GABPB1: variants seen among roughly 807,000 people sequenced by gnomAD.
GABPB1 encodes the protein GA binding protein transcription factor subunit beta 1.
A neutral mutation model predicts 45.9 loss-of-function variants in GABPB1; 15 were observed. That is an observed-to-expected ratio of 0.33 (90% CI 0.22 to 0.50). GABPB1 has a LOEUF of 0.50. Ranked by LOEUF, GABPB1 falls within the 20% of genes least tolerant of loss-of-function variation. The pLI is 0.98. For missense variants in GABPB1, 252 were observed against 457.5 expected (o/e 0.55, Z 4.10); for synonymous variants, 143 against 154.4 (o/e 0.93, Z 0.55).
chr15:50,345,616 AAATG>A (rs1253700674), intron 1 of GABPB1, among the ~76,000 whole-genome samples: 1 of 152,254 alleles, frequency 6.6e-6, no homozygotes, highest in African/African-American at 2.4e-5. Context: ...AAAATTTTTG[AAATG>A]AAGAGAAATG....
intron 8 of GABPB1, among the ~76,000 whole-genome samples, chr15:50,279,859 A>G (rs556821609): frequency 1.3e-5 from 2 of 152,272 alleles, no homozygotes; most frequent in Non-Finnish European, 2.9e-5. Context: ...TGGTTGGCCG[A>G]CCACTGGGGA....
intron 6 of GABPB1, among the ~76,000 whole-genome samples, chr15:50,292,314 C>CAAAAAAAAAAAAAAAAAA (rs762047613): frequency 2.0e-5 from 1 of 49,570 alleles, no homozygotes; most frequent in Non-Finnish European, 5.1e-5. Flanking sequence ...GACTCCATCT[C>CAAAAAAAAAAAAAAAAAA]AAAAAAAAAA....
chr15:50,324,769 A>T lies in GABPB1; in HGVS notation c.1-14971T>A, dbSNP rs538094432. Among the ~76,000 whole-genome samples, 5 of 150,994 alleles carry T rather than the reference A, an allele frequency of 3.3e-5. No homozygotes were observed. The South Asian group carries it at 1.1e-3, about 32-fold the overall frequency. On this transcript the variant is annotated intron_variant, in intron 1 of 8. Transcript: ENST00000380877. ...ACCATGTTGGCTAGACTGGTCTCAA[A>T]CTCCTGACCTCAGGCAATTCGCCCG...
rs1595854392 is a variant in GABPB1 at position 50,348,351 on chromosome 15, C to T, written c.-1+6634G>A. On this transcript the variant is annotated intron_variant, in intron 1 of 8. Transcript: ENST00000380877. ...CTCACTACAACCTCCGCCTCCCAGACTAAAGGAATACTCCCACCTCGGCCT... is the reference window on the plus strand; with the variant it reads ...CTCACTACAACCTCCGCCTCCCAGATTAAAGGAATACTCCCACCTCGGCCT... 2.0e-5 allele frequency among the ~76,000 whole-genome samples: 3 copies of T among 152,218 alleles called. No homozygotes were observed. In the South Asian group the frequency reaches 6.2e-4, roughly 32 times the overall value.
At chr15:50,290,925 C>A (rs997451296) in intron 6 of GABPB1, among the ~76,000 whole-genome samples, 1 of 152,146 alleles carries the variant, frequency 6.6e-6, no homozygotes, top group African/African-American at 2.4e-5. Flanking sequence ...CACAGGCAAT[C>A]CTACACCCAA....
At chr15:50,336,446 C>A (rs2048130102) in intron 1 of GABPB1, among the ~76,000 whole-genome samples, 1 of 151,776 alleles carries the variant, frequency 6.6e-6, no homozygotes. Flanking sequence ...GTAATCCCAG[C>A]ACTTCAGGAA....
chr15:50,308,331 C>G (rs1466756826), intron 2 of GABPB1, among the ~76,000 whole-genome samples: 4 of 152,192 alleles, frequency 2.6e-5, no homozygotes, highest in African/African-American at 9.7e-5. Flanking sequence ...TTAGACTACA[C>G]AAGTATTTAT....
intron 6 of GABPB1, among the ~76,000 whole-genome samples, chr15:50,293,683 T>C (rs2046421024): frequency 6.6e-6 from 1 of 152,200 alleles, no homozygotes; most frequent in Admixed American, 6.5e-5. Flanking sequence ...CATAATCATA[T>C]GTAAGAAATT....
At chr15:50,293,656 T>G (rs2046420388) in intron 6 of GABPB1, among the ~76,000 whole-genome samples, 1 of 152,230 alleles carries the variant, frequency 6.6e-6, no homozygotes, top group South Asian at 2.1e-4. Flanking sequence ...TAACTACAGA[T>G]AGTAAATATT....
At chr15:50,350,938 T>A (rs886538887) in intron 1 of GABPB1, 2 of 152,220 alleles carry the variant, frequency 1.3e-5, no homozygotes, top group Non-Finnish European at 2.9e-5. Flanking sequence ...TCCTCTTCTT[T>A]AGGTCAAACA....
chr15:50,320,019 A>G (rs2047502872), intron 1 of GABPB1, among the ~76,000 whole-genome samples: 1 of 152,148 alleles, frequency 6.6e-6, no homozygotes, highest in Non-Finnish European at 1.5e-5. Flanking sequence ...CATACACACA[A>G]TGCTTACTTC....
chr15:50,278,446 A>T lies in GABPB1; in HGVS notation c.*186T>A. ...CTATTTACAGAATTCAGTTTTAAATACATTTCACAACTTCTAAAGTAAAGT... is the reference window on the plus strand; with the variant it reads ...CTATTTACAGAATTCAGTTTTAAATTCATTTCACAACTTCTAAAGTAAAGT... On this transcript the variant is annotated 3_prime_UTR_variant, in exon 9 of 9. Transcript: ENST00000380877. 2.5e-6 allele frequency: 1 copy of T among 407,430 alleles called. No homozygotes were observed. Among genetic ancestry groups the T allele is most frequent in the Non-Finnish European group, 4.3e-6 (1 of 233,558 alleles). 25.2% of individuals were successfully genotyped at this position (407,430 alleles called of 1,614,324 possible).
In GABPB1 at chr15:50,309,676, A is replaced by G. The variant is rs1325872744; in HGVS notation, c.108+15T>C. ...AGAAGGAAAAAGAACACACAATATT[A>G]AAATCATTCTTTACCCAGTCTGTAG... On this transcript the variant is annotated intron_variant, in intron 2 of 8. Transcript: ENST00000380877. 2.1e-6 allele frequency: 3 copies of G among 1,429,866 alleles called. No homozygotes were observed. In the East Asian group the frequency reaches 6.8e-5, roughly 33 times the overall value. 88.6% of individuals were successfully genotyped at this position (1,429,866 alleles called of 1,614,324 possible).
chr15:50,281,853 G>A (rs1183333894), intron 8 of GABPB1, among the ~76,000 whole-genome samples: 1 of 152,132 alleles, frequency 6.6e-6, no homozygotes, highest in African/African-American at 2.4e-5. Flanking sequence ...TGTAATCCTA[G>A]TATTTTGGAA....
chr15:50,313,538 A>AAAGATT (rs1315374974), intron 1 of GABPB1, among the ~76,000 whole-genome samples: 2 of 152,158 alleles, frequency 1.3e-5, no homozygotes, highest in Non-Finnish European at 1.5e-5. Context: ...ATTTATCAGT[A>AAAGATT]AAGATTATAT....
chr15:50,278,460 CTAAAG>C lies in GABPB1; in HGVS notation c.*167_*171del, dbSNP rs1374165390. 2.4e-5 allele frequency: 10 copies of C among 419,444 alleles called. No homozygotes were observed. The East Asian group carries it at 3.7e-4, about 16-fold the overall frequency. 26.0% of individuals were successfully genotyped at this position (419,444 alleles called of 1,614,324 possible). On this transcript the variant is annotated 3_prime_UTR_variant, in exon 9 of 9. Transcript: ENST00000380877. ...CAGTTTTAAATACATTTCACAACTT[CTAAAG>C]TAAAGTTTTATGTTACAAGAACTCA...
At chr15:50,345,855 G>C (rs904276313) in intron 1 of GABPB1, among the ~76,000 whole-genome samples, 11 of 152,042 alleles carry the variant, frequency 7.2e-5, no homozygotes, top group Non-Finnish European at 1.5e-5. Flanking sequence ...GGAACTACAG[G>C]CGCTCGCCAC....
chr15:50,305,234 G>C (rs890283597), intron 2 of GABPB1, among the ~76,000 whole-genome samples: 5 of 152,252 alleles, frequency 3.3e-5, no homozygotes, highest in Admixed American at 2.0e-4. Flanking sequence ...ATTATGTTAT[G>C]AAGAGATTAA....
At chr15:50,297,584 C>T (rs2046567202) in intron 6 of GABPB1, among the ~76,000 whole-genome samples, 1 of 152,200 alleles carries the variant, frequency 6.6e-6, no homozygotes, top group African/African-American at 2.4e-5. Context: ...GTGGCTCACA[C>T]CTGTAACCTC....
Sources: allele counts gnomAD v4.1 joint callset (sites outside exome capture counted in the v4.1 genomes callset), GRCh38; gene constraint gnomAD v4.1.1; transcripts MANE v1.5; gene names NCBI Gene and HGNC (gene_info 2026-07-23, HGNC 2026-07-21).